Variants in LRRIQ1 observed in about 807,000 individuals in gnomAD.
LRRIQ1 encodes the protein leucine rich repeats and IQ motif containing 1, also known as leucine-rich repeat- and IQ domain-containing protein 1.
Under a neutral mutation model 211.9 loss-of-function variants are expected in LRRIQ1, and 210 were observed. The ratio of observed to expected loss-of-function variants is 0.99; its 90% CI spans 0.89 to 1.11. LRRIQ1 has a LOEUF of 1.11. LRRIQ1 is among the 50% of genes most tolerant of loss of function. The pLI, the probability that LRRIQ1 is intolerant of heterozygous loss-of-function variation, is 0.00. For missense variants in LRRIQ1, 2,136 were observed against 1,939.5 expected (o/e 1.10, Z -1.90); for synonymous variants, 699 against 650.1 (o/e 1.08, Z -1.14).
At chr12:85,259,799 C>T (rs541523363) in intron 1 of LRRIQ1, among the ~76,000 whole-genome samples, 4 of 152,082 alleles carry the variant, frequency 2.6e-5, no homozygotes, top group Admixed American at 2.6e-4. Context: ...TTATACCAAG[C>T]AATGGAAAGT....
rs75754297 is a variant in LRRIQ1 at position 85,244,007 on chromosome 12, C to A, written c.5017-782C>A. On this transcript the variant is annotated intron_variant, in intron 26 of 26. Transcript: ENST00000393217. Reference sequence around the variant, plus strand: ...TAGTGTGGTTTTGGTTAAATCCCAGCTACTCTGAGGCTGCTTTGCTTTCCC... The same window carrying A: ...TAGTGTGGTTTTGGTTAAATCCCAGATACTCTGAGGCTGCTTTGCTTTCCC... 8.3e-3 allele frequency among the ~76,000 whole-genome samples: 1,256 copies of A among 151,702 alleles called. 19 individuals carry two copies. The highest frequency in any genetic ancestry group is 0.029 in the African/African-American group (1,201 of 41,482).
downstream of LRRIQ1, among the ~76,000 whole-genome samples, chr12:85,265,614 C>G (rs1462989553): frequency 6.6e-6 from 1 of 151,874 alleles, no homozygotes; most frequent in Admixed American, 6.6e-5. Flanking sequence ...AACACATTAG[C>G]CACTAGACAA....
At chr12:85,075,575 A>T (rs1883553915) in intron 11 of LRRIQ1, among the ~76,000 whole-genome samples, 1 of 151,820 alleles carries the variant, frequency 6.6e-6, no homozygotes, top group Non-Finnish European at 1.5e-5. Context: ...TCTTGTGAGA[A>T]CTCTATCTCC....
intron 1 of LRRIQ1, among the ~76,000 whole-genome samples, chr12:85,255,253 G>A (rs1328813485): frequency 6.6e-6 from 1 of 151,800 alleles, no homozygotes; most frequent in Non-Finnish European, 1.5e-5. Flanking sequence ...GTGAATTACA[G>A]TAATACTGTT....
At chr12:85,267,812 G>A (rs555007536), downstream of LRRIQ1, among the ~76,000 whole-genome samples, 142 of 152,106 alleles carry the variant, frequency 9.3e-4, no homozygotes, top group African/African-American at 3.2e-3. Context: ...AAAGTTAAAA[G>A]AACTTTTGTT....
At chr12:85,144,368 A>G (rs1462864582) in intron 19 of LRRIQ1, among the ~76,000 whole-genome samples, 1 of 151,614 alleles carries the variant, frequency 6.6e-6, no homozygotes, top group Non-Finnish European at 1.5e-5. Context: ...ATAAATACAT[A>G]TATAAATATA....
At chr12:85,111,027 G>A (rs561119806) in intron 15 of LRRIQ1, among the ~76,000 whole-genome samples, 56 of 152,082 alleles carry the variant, frequency 3.7e-4, no homozygotes, top group African/African-American at 9.9e-4. Context: ...TATCTCATAG[G>A]GTAATATAGG....
exon 2 of LRRIQ1, chr12:85,263,849 A>G (rs973996005): frequency 6.6e-6 from 1 of 152,140 alleles, no homozygotes; most frequent in South Asian, 2.1e-4. Flanking sequence ...CCTATTTTCT[A>G]AAATTACAGA....
chr12:85,040,629 G>T, intron 3 of LRRIQ1, 28 bp downstream of exon 3: 1 of 1,361,928 alleles, frequency 7.3e-7, no homozygotes. Context: ...CTGTCTGGCA[G>T]ATAAGCTTTC....
At chr12:85,161,193 C>G (rs1280048076) in intron 24 of LRRIQ1, among the ~76,000 whole-genome samples, 1 of 152,016 alleles carries the variant, frequency 6.6e-6, no homozygotes, top group East Asian at 1.9e-4. Flanking sequence ...ATTTGCACAT[C>G]TAGGTGGTGA....
At chr12:85,168,080 TAAG>T (rs1891238442) in intron 24 of LRRIQ1, among the ~76,000 whole-genome samples, 1 of 152,174 alleles carries the variant, frequency 6.6e-6, no homozygotes, top group South Asian at 2.1e-4. Flanking sequence ...CTTAATGAAA[TAAG>T]AAGAAAATAC....
At chr12:85,185,147 CAT>C (rs1052349951) in intron 24 of LRRIQ1, among the ~76,000 whole-genome samples, 2 of 151,852 alleles carry the variant, frequency 1.3e-5, no homozygotes, top group Non-Finnish European at 2.9e-5. Flanking sequence ...CCATATTACT[CAT>C]AAGGATTACA....
intron 18 of LRRIQ1, among the ~76,000 whole-genome samples, chr12:85,129,737 G>A (rs965543280): frequency 1.3e-5 from 2 of 152,270 alleles, no homozygotes; most frequent in Non-Finnish European, 1.5e-5. Context: ...AAGGAGCAAA[G>A]TAGGATTTAA....
chr12:85,259,316 T>A (rs989033298), intron 1 of LRRIQ1, among the ~76,000 whole-genome samples: 2 of 152,092 alleles, frequency 1.3e-5, no homozygotes, highest in African/African-American at 4.8e-5. Context: ...AGTCTCTTGC[T>A]ATTTTATTTT....
intron 15 of LRRIQ1, among the ~76,000 whole-genome samples, chr12:85,107,763 A>G (rs908443381): frequency 5.3e-5 from 8 of 151,882 alleles, no homozygotes; most frequent in African/African-American, 1.9e-4. Context: ...AATAGTTTCT[A>G]TTGCTTTGTC....
intron 24 of LRRIQ1, among the ~76,000 whole-genome samples, chr12:85,199,269 C>T (rs935785419): frequency 1.3e-5 from 2 of 151,974 alleles, no homozygotes; most frequent in African/African-American, 4.8e-5. Flanking sequence ...GTTTCCAATC[C>T]ATCTTGAGTT....
At chr12:85,232,454 T>C (rs1593004345) in intron 25 of LRRIQ1, among the ~76,000 whole-genome samples, 1 of 152,152 alleles carries the variant, frequency 6.6e-6, no homozygotes, top group East Asian at 1.9e-4. Flanking sequence ...TGTGTTTATG[T>C]TTGACAAAGA....
intron 23 of LRRIQ1, among the ~76,000 whole-genome samples, chr12:85,159,915 C>T (rs1041612831): frequency 6.6e-6 from 1 of 151,898 alleles, no homozygotes; most frequent in Non-Finnish European, 1.5e-5. Context: ...TGTACCTAAA[C>T]ATTGTCCAAC....
At chr12:85,265,584 T>C (rs1016286124), downstream of LRRIQ1, among the ~76,000 whole-genome samples, 2 of 151,978 alleles carry the variant, frequency 1.3e-5, no homozygotes, top group African/African-American at 4.8e-5. Flanking sequence ...GAAAGAACCA[T>C]AATCTAGACC....
Sources: allele counts gnomAD v4.1 joint callset (sites outside exome capture counted in the v4.1 genomes callset), GRCh38; gene constraint gnomAD v4.1.1; transcripts MANE v1.5; gene names NCBI Gene and HGNC (gene_info 2026-07-23, HGNC 2026-07-21).